RREB1: variants seen among roughly 807,000 people sequenced by gnomAD.
The protein encoded by RREB1 is ras responsive element binding protein 1, also known as ras-responsive element-binding protein 1.
RREB1 carries 27 observed loss-of-function variants against 117.8 expected under a neutral mutation model. The ratio of observed to expected loss-of-function variants is 0.23; its 90% CI spans 0.17 to 0.32. The LOEUF is 0.32. Among genes scored for constraint, RREB1 ranks in the 10% least tolerant of loss-of-function variants. The pLI is 1.00. For synonymous variants in RREB1, 1,298 were observed against 1,026.7 expected (o/e 1.26, Z -5.05); for missense variants, 2,577 against 2,378.2 (o/e 1.08, Z -1.74).
intron 6 of RREB1, among the ~76,000 whole-genome samples, chr6:7,189,524 AGAGT>A (rs1765285570): frequency 6.6e-6 from 1 of 152,206 alleles, no homozygotes; most frequent in Non-Finnish European, 1.5e-5. Flanking sequence ...GTGGCCCTTC[AGAGT>A]TCCTCAGGAT....
chr6:7,233,948 C>G (rs528867239), intron 10 of RREB1, among the ~76,000 whole-genome samples: 28 of 152,266 alleles, frequency 1.8e-4, no homozygotes, highest in Middle Eastern at 3.4e-3. Flanking sequence ...AGTGGCTGCA[C>G]TGGTCACCAG....
At chr6:7,227,101 C>T (rs1581567502) in intron 9 of RREB1, among the ~76,000 whole-genome samples, 1 of 152,064 alleles carries the variant, frequency 6.6e-6, no homozygotes, top group South Asian at 2.1e-4. Context: ...ATTAGCCAGG[C>T]GTGGTGGTGT....
intron 5 of RREB1, 48 bp downstream of exon 5, chr6:7,187,571 T>C: frequency 1.1e-6 from 1 of 890,486 alleles, no homozygotes; most frequent in East Asian, 3.4e-5. Flanking sequence ...TTTTATTTTA[T>C]TTTATTTTAT....
At chr6:7,145,029 T>G (rs1426398413) in intron 1 of RREB1, among the ~76,000 whole-genome samples, 4 of 152,224 alleles carry the variant, frequency 2.6e-5, no homozygotes, top group Admixed American at 2.6e-4. Context: ...TGCTTTCTTC[T>G]TCGTCTCACC....
At chr6:7,243,295 G>T (rs1647719985) in intron 11 of RREB1, among the ~76,000 whole-genome samples, 1 of 152,198 alleles carries the variant, frequency 6.6e-6, no homozygotes, top group South Asian at 2.1e-4. Context: ...ATCTTTAATT[G>T]TTGAGCTGAC....
chr6:7,138,177 G>A (rs1041202867), intron 1 of RREB1, among the ~76,000 whole-genome samples: 11 of 152,168 alleles, frequency 7.2e-5, no homozygotes, highest in African/African-American at 2.4e-4. Context: ...TCCAGTTTAA[G>A]CTGCATGTTG....
rs766846879 is a variant in RREB1 at position 7,123,096 on chromosome 6, T to TA, written c.-285+15037dup. ...TAGGCTGTGGGGTATTGGCATGTCTTACATACGGCTGTTTTCTGGATATGT... is the reference window on the plus strand; with the variant it reads ...TAGGCTGTGGGGTATTGGCATGTCTTAACATACGGCTGTTTTCTGGATATGT... On this transcript the variant is annotated intron_variant, in intron 1 of 12. Coordinates refer to ENST00000379938, the MANE Select transcript of RREB1 (RefSeq NM_001003699.4). Among the ~76,000 whole-genome samples the TA allele has an allele frequency of 4.2e-4, 64 of 152,304 alleles. 1 individual carries two copies. The highest frequency in any genetic ancestry group is 7.8e-4 in the Admixed American group (12 of 15,294).
chr6:7,219,401 A>G (rs1767107754), intron 8 of RREB1, among the ~76,000 whole-genome samples: 1 of 152,238 alleles, frequency 6.6e-6, no homozygotes, highest in Non-Finnish European at 1.5e-5. Context: ...AACCCCAGCT[A>G]GCAACTGAGT....
chr6:7,212,924 A>C (rs1017442694), intron 8 of RREB1: 4 of 152,224 alleles, frequency 2.6e-5, no homozygotes, highest in African/African-American at 7.2e-5. Context: ...ACTTACGAAG[A>C]ATTTAAACTG....
At chr6:7,204,486 G>C (rs1348912255) in intron 6 of RREB1, among the ~76,000 whole-genome samples, 2 of 152,112 alleles carry the variant, frequency 1.3e-5, no homozygotes, top group Non-Finnish European at 2.9e-5. Context: ...CAGCTGTGGG[G>C]GTTCTTAATC....
At chr6:7,128,248 G>T (rs773783441) in intron 1 of RREB1, among the ~76,000 whole-genome samples, 5 of 152,224 alleles carry the variant, frequency 3.3e-5, no homozygotes, top group Admixed American at 6.5e-5. Flanking sequence ...ATGATTTTCC[G>T]AATTGTTGGC....
intron 6 of RREB1, among the ~76,000 whole-genome samples, chr6:7,190,641 A>G (rs932889217): frequency 1.3e-5 from 2 of 152,222 alleles, no homozygotes; most frequent in East Asian, 1.9e-4. Flanking sequence ...GTTTTTGGGT[A>G]CAAAGGAATT....
chr6:7,189,355 G>A (rs1765275608), intron 6 of RREB1, 33 bp downstream of exon 6: 16 of 1,537,840 alleles, frequency 1.0e-5, no homozygotes, highest in Non-Finnish European at 1.4e-5. Context: ...TGGGGGGTTG[G>A]CTGGTACTTG....
chr6:7,122,219 G>GT (rs372894503), intron 1 of RREB1, among the ~76,000 whole-genome samples: 30 of 152,286 alleles, frequency 2.0e-4, no homozygotes, highest in African/African-American at 7.2e-4. Flanking sequence ...TGGGCCCCAG[G>GT]TAGTATACTG....
At chr6:7,214,572 A>T (rs1434438234) in intron 8 of RREB1, 1 of 152,286 alleles carries the variant, frequency 6.6e-6, no homozygotes, top group East Asian at 1.9e-4. Flanking sequence ...GATCCCCATA[A>T]TAGGCTGCTA....
chr6:7,194,239 T>C (rs957885023), intron 6 of RREB1, among the ~76,000 whole-genome samples: 1 of 152,186 alleles, frequency 6.6e-6, no homozygotes, highest in Non-Finnish European at 1.5e-5. Flanking sequence ...TTGGAGTTGT[T>C]TATAAATATT....
chr6:7,181,789 G>C, intron 3 of RREB1, 81 bp from the exon 4 acceptor site: 1 of 946,642 alleles, frequency 1.1e-6, no homozygotes, highest in South Asian at 1.3e-5. Flanking sequence ...ATTACAATTA[G>C]AGTAGCCATG....
At chr6:7,156,603 A>AT (rs2113447239) in intron 1 of RREB1, among the ~76,000 whole-genome samples, 1 of 152,142 alleles carries the variant, frequency 6.6e-6, no homozygotes, top group East Asian at 1.9e-4. Context: ...TGTAAAACAA[A>AT]TTTTTTCTCC....
intron 1 of RREB1, among the ~76,000 whole-genome samples, chr6:7,120,254 T>C (rs954471108): frequency 1.3e-5 from 2 of 152,108 alleles, no homozygotes; most frequent in African/African-American, 4.8e-5. Context: ...AGTTTGAGAC[T>C]GGCCTGGACA....
Sources: gnomAD v4.1 joint callset for allele counts (sites outside exome capture counted in the v4.1 genomes callset) on GRCh38, gnomAD v4.1.1 for gene constraint, MANE v1.5 for transcripts, NCBI Gene and HGNC (gene_info 2026-07-23, HGNC 2026-07-21) for gene names.